Variants in CMIP observed in about 807,000 individuals in gnomAD.
CMIP encodes the protein c-Maf inducing protein.
Under a neutral mutation model 97.3 loss-of-function variants are expected in CMIP, and 13 were observed. The ratio of observed to expected loss-of-function variants is 0.13; its 90% CI spans 0.09 to 0.21. The LOEUF (loss-of-function observed/expected upper bound fraction) is 0.21, where lower values mean the gene tolerates loss of function less well. Ranked by LOEUF, CMIP falls within the 10% of genes least tolerant of loss-of-function variation. The pLI is 1.00. For synonymous variants in CMIP, 538 were observed against 436.3 expected, an observed-to-expected ratio of 1.23 and a Z score of -2.91; for missense variants, 847 against 1,024.9, an observed-to-expected ratio of 0.83 and a Z score of 2.37.
intron 1 of CMIP, among the ~76,000 whole-genome samples, chr16:81,568,038 T>TGTGTG (rs1466317236): frequency 2.5e-5 from 2 of 79,168 alleles, no homozygotes; most frequent in Admixed American, 1.2e-4. Context: ...TGTGTGTGTG[T>TGTGTG]GTTTTTTTTT....
At position 81,601,742 on chromosome 16, in the gene CMIP, C is replaced by T. The variant is rs551595702; in HGVS notation, c.301-5825C>T. Among the ~76,000 whole-genome samples the T allele has an allele frequency of 2.0e-5, 3 of 152,248 alleles. No homozygotes were observed. In the East Asian group the frequency reaches 5.8e-4, roughly 29 times the overall value. ...CTCCAGCTCCCATGGAAGGCAGCGTCCCCCGGGGCCAGAACCCCAGCTTGT... is the reference window on the plus strand; with the variant it reads ...CTCCAGCTCCCATGGAAGGCAGCGTTCCCCGGGGCCAGAACCCCAGCTTGT... On this transcript the variant is annotated intron_variant, in intron 1 of 20. Coordinates refer to ENST00000537098, the MANE Select transcript of CMIP (RefSeq NM_198390.3).
intron 13 of CMIP, 160 bp from the exon 14 acceptor site, chr16:81,696,400 A>G (rs72831120): frequency 0.089 from 62,366 of 703,692 alleles, 3,328 homozygotes; most frequent in Non-Finnish European, 0.11. Flanking sequence ...CTTTCATGGC[A>G]TTTGGTGGAA....
At chr16:81,474,189 T>C (rs1026673549) in intron 1 of CMIP, among the ~76,000 whole-genome samples, 6 of 152,122 alleles carry the variant, frequency 3.9e-5, no homozygotes, top group Non-Finnish European at 2.9e-5. Flanking sequence ...GCTCAGAGCT[T>C]GTGGGCGTGG....
intron 1 of CMIP, among the ~76,000 whole-genome samples, chr16:81,603,657 C>A (rs1175875574): frequency 6.6e-6 from 1 of 152,114 alleles, no homozygotes; most frequent in East Asian, 1.9e-4. Context: ...GTCACGTCTC[C>A]CAAAACTTCC....
chr16:81,581,270 C>T lies in CMIP; in HGVS notation c.301-26297C>T, dbSNP rs113445041. Among the ~76,000 whole-genome samples, 293 of 152,264 alleles carry T rather than the reference C, an allele frequency of 1.9e-3. 2 individuals carry two copies. The highest frequency in any genetic ancestry group is 6.3e-3 in the African/African-American group (263 of 41,534). On this transcript the variant is annotated intron_variant, in intron 1 of 20. Transcript: ENST00000537098. ...ACAAGTGTAGTCATGCATTGTTTCA[C>T]GATGGGGATACGTTCCGGGAAGCGC...
At chr16:81,486,571 G>T (rs1049957546) in intron 1 of CMIP, among the ~76,000 whole-genome samples, 4 of 152,194 alleles carry the variant, frequency 2.6e-5, no homozygotes, top group African/African-American at 9.7e-5. Context: ...CAAGCAGACC[G>T]CCGAGTCCCT....
At chr16:81,542,189 T>C (rs995676284) in intron 1 of CMIP, among the ~76,000 whole-genome samples, 9 of 152,312 alleles carry the variant, frequency 5.9e-5, no homozygotes, top group African/African-American at 1.9e-4. Context: ...TTCCAAATTT[T>C]AAAAGCAGCA....
chr16:81,670,074 T>C (rs1183898065), intron 7 of CMIP, 68 bp from the exon 8 acceptor site: 25 of 1,471,178 alleles, frequency 1.7e-5, no homozygotes, highest in Non-Finnish European at 2.3e-5. Flanking sequence ...CTTTCTGGTG[T>C]CCTGGCTGCC....
rs547203977 is a variant in CMIP, at chr16:81,627,044, A to T, written c.477+6118A>T. On this transcript the variant is annotated intron_variant, in intron 3 of 20. Coordinates refer to ENST00000537098, the MANE Select transcript of CMIP (RefSeq NM_198390.3). This position sits in a 1 kb window ranked among gnomAD's most constrained non-coding sequence, Gnocchi z 4.6. ...TGTTTTATGAGTATGTGTGCATGGC[A>T]TGTGAGGTGACTGTTTTATGTGTGT... Among the ~76,000 whole-genome samples, 4 of 133,030 alleles carry T rather than the reference A, an allele frequency of 3.0e-5. No individual in the cohort carries two copies. The highest frequency in any genetic ancestry group is 1.5e-4 in the Admixed American group (2 of 13,122). 87.3% of individuals were successfully genotyped at this position (133,030 alleles called of 152,430 possible). A position where few individuals can be genotyped will look rare whatever the true frequency, so the allele number is the denominator to read the frequency against.
At chr16:81,571,329 T>TG (rs2091083807) in intron 1 of CMIP, among the ~76,000 whole-genome samples, 1 of 151,376 alleles carries the variant, frequency 6.6e-6, no homozygotes, top group South Asian at 2.1e-4. Context: ...ATTAGCTAGA[T>TG]GCAGTGGTGT....
At chr16:81,689,128 G>A (rs989143238) in intron 10 of CMIP, among the ~76,000 whole-genome samples, 3 of 152,236 alleles carry the variant, frequency 2.0e-5, no homozygotes, top group Non-Finnish European at 4.4e-5. Context: ...ACATGTGCAT[G>A]TGTCTTTATA....
chr16:81,560,502 G>A (rs889657455), intron 1 of CMIP, among the ~76,000 whole-genome samples: 3 of 152,330 alleles, frequency 2.0e-5, no homozygotes, highest in African/African-American at 4.8e-5. Context: ...ACAGGCGTGA[G>A]CCACTGCGCC....
chr16:81,569,351 G>C (rs2150885970), intron 1 of CMIP, among the ~76,000 whole-genome samples: 1 of 152,332 alleles, frequency 6.6e-6, no homozygotes, highest in Non-Finnish European at 1.5e-5. Context: ...ACCCCAGTAG[G>C]TAATGGAGCT....
intron 1 of CMIP, among the ~76,000 whole-genome samples, chr16:81,581,778 G>T (rs1263955940): frequency 6.6e-6 from 1 of 152,224 alleles, no homozygotes; most frequent in Non-Finnish European, 1.5e-5. Flanking sequence ...ACAGCTCTGG[G>T]GTGGCAGAGC....
chr16:81,695,141 T>C (rs1906564142), intron 13 of CMIP, among the ~76,000 whole-genome samples: 1 of 152,152 alleles, frequency 6.6e-6, no homozygotes, highest in African/African-American at 2.4e-5. Context: ...GACCTGCCGG[T>C]CTGGAAGGAG....
At chr16:81,680,186 G>A (rs1007922291) in intron 10 of CMIP, among the ~76,000 whole-genome samples, 6 of 152,248 alleles carry the variant, frequency 3.9e-5, no homozygotes, top group African/African-American at 1.4e-4. Context: ...TGCCTGGGGT[G>A]TTGTCTGTGT....
At chr16:81,593,268 T>C (rs191159141) in intron 1 of CMIP, among the ~76,000 whole-genome samples, 351 of 152,262 alleles carry the variant, frequency 2.3e-3, no homozygotes, top group Middle Eastern at 0.01. Context: ...CTGGAGGGTC[T>C]TTCTGTCGTC....
intron 8 of CMIP, among the ~76,000 whole-genome samples, chr16:81,671,340 G>T (rs2092681475): frequency 6.6e-6 from 1 of 152,194 alleles, no homozygotes; most frequent in Non-Finnish European, 1.5e-5. Context: ...CTCGATGACA[G>T]CTTCCCAGAA....
At chr16:81,478,699 C>T (rs1328246590) in intron 1 of CMIP, among the ~76,000 whole-genome samples, 1 of 152,184 alleles carries the variant, frequency 6.6e-6, no homozygotes, top group African/African-American at 2.4e-5. Flanking sequence ...CTGAGATAAA[C>T]CCATTTGCTT....
Sources: allele counts gnomAD v4.1 joint callset (sites outside exome capture counted in the v4.1 genomes callset), GRCh38; gene constraint gnomAD v4.1.1; non-coding constraint Gnocchi (gnomAD v3.1); transcripts MANE v1.5; gene names NCBI Gene and HGNC (gene_info 2026-07-23, HGNC 2026-07-21).